The following EPB41 variants were observed in gnomAD, a reference collection of about 807,000 sequenced individuals.
The protein encoded by EPB41 is erythrocyte membrane protein band 4.1, also known as protein 4.1.
EPB41 carries 65 observed loss-of-function variants against 108.0 expected under a neutral mutation model. The observed-to-expected ratio is 0.60, with a 90% CI of 0.49 to 0.74. EPB41 has a LOEUF of 0.74. Ranked by LOEUF, EPB41 falls within the 30% of genes least tolerant of loss-of-function variation. The pLI, the probability that EPB41 is intolerant of heterozygous loss-of-function variation, is 0.00. For synonymous variants in EPB41, 336 were observed against 358.9 expected, an observed-to-expected ratio of 0.94 and a Z score of 0.72; for missense variants, 875 against 1,037.0, an observed-to-expected ratio of 0.84 and a Z score of 2.15.
chr1:28,928,845 T>A (rs962873144), intron 1 of EPB41, among the ~76,000 whole-genome samples: 1 of 152,106 alleles, frequency 6.6e-6, no homozygotes, highest in Non-Finnish European at 1.5e-5. Context: ...AAGAACTAGG[T>A]TACTGATTCA....
intron 16 of EPB41, among the ~76,000 whole-genome samples, chr1:29,087,640 C>T (rs190041684): frequency 2.8e-4 from 42 of 152,050 alleles, no homozygotes; most frequent in Admixed American, 1.6e-3. Flanking sequence ...GGATTGTAGG[C>T]GTGAGCCACT....
chr1:28,952,444 T>C (rs1405415227), intron 1 of EPB41, among the ~76,000 whole-genome samples: 3 of 152,236 alleles, frequency 2.0e-5, no homozygotes, highest in African/African-American at 7.2e-5. Flanking sequence ...GAGAATCACT[T>C]GAACCCGGGA....
intron 1 of EPB41, among the ~76,000 whole-genome samples, chr1:28,986,882 T>C (rs980901031): frequency 7.2e-5 from 11 of 152,248 alleles, no homozygotes; most frequent in African/African-American, 2.2e-4. Flanking sequence ...GTTGCTGTTA[T>C]CCAGTCTTAC....
intron 1 of EPB41, among the ~76,000 whole-genome samples, chr1:28,920,932 A>G (rs2093025264): frequency 1.3e-5 from 2 of 152,078 alleles, no homozygotes; most frequent in African/African-American, 2.4e-5. Flanking sequence ...CGCCCAGCCT[A>G]TTTTAATTTT....
At chr1:29,031,102 C>T (rs2096784431) in intron 8 of EPB41, among the ~76,000 whole-genome samples, 1 of 152,178 alleles carries the variant, frequency 6.6e-6, no homozygotes, top group African/African-American at 2.4e-5. Flanking sequence ...AGCCACCGTG[C>T]CCGGCCTCTT....
At chr1:29,110,435 A>T (rs958378125) in intron 18 of EPB41, among the ~76,000 whole-genome samples, 2 of 152,222 alleles carry the variant, frequency 1.3e-5, no homozygotes, top group South Asian at 2.1e-4. Context: ...CAAGCCCAAA[A>T]TCAGAACTCT....
At chr1:29,106,719 G>A (rs534355605) in intron 17 of EPB41, among the ~76,000 whole-genome samples, 13 of 150,804 alleles carry the variant, frequency 8.6e-5, no homozygotes, top group South Asian at 4.2e-4. Flanking sequence ...GACGACAGGC[G>A]TTTGCCACCA....
At chr1:28,984,251 CAG>C (rs1012562835) in intron 1 of EPB41, among the ~76,000 whole-genome samples, 1 of 152,116 alleles carries the variant, frequency 6.6e-6, no homozygotes, top group African/African-American at 2.4e-5. Context: ...AGTGGGAAAA[CAG>C]GGATATAAAG....
At position 29,029,585 on chromosome 1, in the gene EPB41, G is replaced by A. The variant is rs559976006; in HGVS notation, c.1125-815G>A. ...GTTATACTTGATTGGTCTGAATTGTGCAGCATTAGGAGTGATATTTTTGTC... is the reference window on the plus strand; with the variant it reads ...GTTATACTTGATTGGTCTGAATTGTACAGCATTAGGAGTGATATTTTTGTC... On this transcript the variant is annotated intron_variant, in intron 7 of 20. Coordinates refer to ENST00000343067, the MANE Select transcript of EPB41 (RefSeq NM_001376013.1). Among the ~76,000 whole-genome samples, 4 of 152,268 alleles carry A rather than the reference G, an allele frequency of 2.6e-5. No individual in the cohort carries two copies. In the South Asian group the frequency reaches 6.2e-4, roughly 24 times the overall value.
intron 1 of EPB41, among the ~76,000 whole-genome samples, chr1:28,964,723 C>A (rs1294010026): frequency 6.6e-6 from 1 of 152,204 alleles, no homozygotes; most frequent in African/African-American, 2.4e-5. Flanking sequence ...TTTCCCTAAT[C>A]TACCCTTGCC....
chr1:29,082,155 C>T (rs574800479), intron 16 of EPB41, among the ~76,000 whole-genome samples: 2 of 152,290 alleles, frequency 1.3e-5, no homozygotes, highest in East Asian at 3.9e-4. Flanking sequence ...GACGGAGTCT[C>T]ACTCTGTCAC....
chr1:29,008,577 C>G lies in EPB41; in HGVS notation c.787-3288C>G, dbSNP rs139459161. On this transcript the variant is annotated intron_variant, in intron 4 of 20. Coordinates refer to ENST00000343067, the MANE Select transcript of EPB41 (RefSeq NM_001376013.1). Reference sequence around the variant, plus strand: ...CCTTAACCATTATATTCTGCTGGACCACAGTTATCATTCTCAACAACAGTG... The same window carrying G: ...CCTTAACCATTATATTCTGCTGGACGACAGTTATCATTCTCAACAACAGTG... Among the ~76,000 whole-genome samples the G allele has an allele frequency of 1.8e-3, 276 of 152,284 alleles. 2 individuals are homozygous for G. In the Middle Eastern group the frequency reaches 0.02, roughly 11 times the overall value.
intron 15 of EPB41, among the ~76,000 whole-genome samples, chr1:29,063,076 C>A (rs1291364353): frequency 6.6e-6 from 1 of 152,194 alleles, no homozygotes; most frequent in African/African-American, 2.4e-5. Flanking sequence ...ACACCTTTAA[C>A]CCTCCCAAAT....
At chr1:28,972,722 C>T (rs1224787202) in intron 1 of EPB41, among the ~76,000 whole-genome samples, 1 of 151,924 alleles carries the variant, frequency 6.6e-6, no homozygotes, top group African/African-American at 2.4e-5. Context: ...ACCTCACGTT[C>T]CTGTGGAGCT....
At chr1:29,047,412 G>T (rs554404904) in intron 11 of EPB41, among the ~76,000 whole-genome samples, 1 of 138,738 alleles carries the variant, frequency 7.2e-6, no homozygotes, top group South Asian at 2.3e-4. Flanking sequence ...ACCGCGCCTG[G>T]CTAATTTTTT....
At chr1:28,904,638 C>A (rs1322700218) in intron 1 of EPB41, among the ~76,000 whole-genome samples, 1 of 152,154 alleles carries the variant, frequency 6.6e-6, no homozygotes, top group Non-Finnish European at 1.5e-5. Flanking sequence ...TGGCTCATGG[C>A]TGTAATCCCA....
intron 16 of EPB41, among the ~76,000 whole-genome samples, chr1:29,067,646 A>G (rs979727449): frequency 6.1e-5 from 9 of 148,058 alleles, no homozygotes; most frequent in African/African-American, 2.0e-4. Context: ...CAGCCTGGGC[A>G]ACGGCAAGAC....
At chr1:28,980,374 A>T (rs1389879105) in intron 1 of EPB41, among the ~76,000 whole-genome samples, 1 of 152,054 alleles carries the variant, frequency 6.6e-6, no homozygotes, top group African/African-American at 2.4e-5. Flanking sequence ...TAAAAAATTT[A>T]AAAAGCACAT....
chr1:28,922,347 T>C (rs1290607770), intron 1 of EPB41, among the ~76,000 whole-genome samples: 1 of 151,952 alleles, frequency 6.6e-6, no homozygotes, highest in Non-Finnish European at 1.5e-5. Context: ...GTAAATAAAG[T>C]AAAGGAGAGC....
Sources: gnomAD v4.1 joint callset for allele counts (sites outside exome capture counted in the v4.1 genomes callset) on GRCh38, gnomAD v4.1.1 for gene constraint, MANE v1.5 for transcripts, NCBI Gene and HGNC (gene_info 2026-07-23, HGNC 2026-07-21) for gene names.